The following ANKS1B variants were observed in gnomAD, a reference collection of about 807,000 sequenced individuals.
ANKS1B encodes ankyrin repeat and sterile alpha motif domain-containing protein 1B.
In ANKS1B, 36 loss-of-function variants were observed where a neutral mutation model predicts 148.3. The ratio of observed to expected loss-of-function variants is 0.24; its 90% confidence interval spans 0.19 to 0.32. The LOEUF (loss-of-function observed/expected upper bound fraction) is 0.32. ANKS1B is among the 10% of genes least tolerant of loss of function. The probability of loss-of-function intolerance (pLI) is 1.00; values close to 1 mark genes in which losing one functional copy is unlikely to be tolerated. For missense variants in ANKS1B, 1,157 were observed against 1,542.6 expected, an observed-to-expected ratio of 0.75 and a Z score of 4.19; for synonymous variants, 542 against 560.8, an observed-to-expected ratio of 0.97 and a Z score of 0.47.
At chr12:98,929,065 C>CAT (rs200318692) in intron 17 of ANKS1B, among the ~76,000 whole-genome samples, 21,192 of 147,732 alleles carry the variant, frequency 0.14, 5,841 homozygotes, top group South Asian at 0.33. Flanking sequence ...CACACACACA[C>CAT]ACACACAAGT....
chr12:99,110,379 A>T (rs1398034736), intron 15 of ANKS1B, among the ~76,000 whole-genome samples: 1 of 152,244 alleles, frequency 6.6e-6, no homozygotes, highest in East Asian at 1.9e-4. Flanking sequence ...ATTCTATCAT[A>T]GAAATACATC....
chr12:99,550,700 CACACTTAGGTCTAAGA>C (rs1169884003), intron 9 of ANKS1B, among the ~76,000 whole-genome samples: 1 of 151,956 alleles, frequency 6.6e-6, no homozygotes, highest in East Asian at 1.9e-4. Context: ...ATTTATTTTG[CACACTTAGGTCTAAGA>C]ACCCTCACTG....
chr12:99,626,708 T>C (rs578082213), intron 9 of ANKS1B, among the ~76,000 whole-genome samples: 8 of 152,180 alleles, frequency 5.3e-5, no homozygotes, highest in African/African-American at 1.9e-4. Context: ...CTGGCATACA[T>C]TGGGGCGAAT....
At chr12:99,674,165 T>C (rs2098551054) in intron 8 of ANKS1B, among the ~76,000 whole-genome samples, 1 of 151,866 alleles carries the variant, frequency 6.6e-6, no homozygotes, top group African/African-American at 2.4e-5. Flanking sequence ...GTCATAATAA[T>C]GTTTGAGAAA....
At chr12:99,200,475 A>G (rs1601626361) in intron 14 of ANKS1B, among the ~76,000 whole-genome samples, 1 of 152,338 alleles carries the variant, frequency 6.6e-6, no homozygotes, top group South Asian at 2.1e-4. Context: ...TCTAAGCAGG[A>G]ATGACAAAAT....
intron 11 of ANKS1B, among the ~76,000 whole-genome samples, chr12:99,416,794 G>C (rs987521616): frequency 2.6e-5 from 4 of 152,118 alleles, no homozygotes; most frequent in African/African-American, 9.7e-5. Flanking sequence ...TATGTACCTT[G>C]TCTTCTCATC....
intron 8 of ANKS1B, among the ~76,000 whole-genome samples, chr12:99,658,214 C>T (rs913486732): frequency 2.0e-5 from 3 of 152,070 alleles, no homozygotes; most frequent in Admixed American, 6.6e-5. Flanking sequence ...TCCAAATACC[C>T]GCCTCACTAG....
At chr12:98,999,712 C>T (rs1450475636) in intron 17 of ANKS1B, among the ~76,000 whole-genome samples, 1 of 152,164 alleles carries the variant, frequency 6.6e-6, no homozygotes, top group African/African-American at 2.4e-5. Context: ...AACTGTTCAG[C>T]AGATGGGATG....
At chr12:99,684,038 G>A (rs999858162) in intron 8 of ANKS1B, among the ~76,000 whole-genome samples, 1 of 151,994 alleles carries the variant, frequency 6.6e-6, no homozygotes, top group Non-Finnish European at 1.5e-5. Flanking sequence ...CATTCCCCCT[G>A]AGACCTGGGA....
At chr12:99,294,122 A>G (rs1378876362) in intron 12 of ANKS1B, among the ~76,000 whole-genome samples, 3 of 152,222 alleles carry the variant, frequency 2.0e-5, no homozygotes, top group Non-Finnish European at 4.4e-5. Flanking sequence ...TATGTAGGTT[A>G]CTAAAAAACT....
At chr12:99,428,658 G>A (rs963103686) in intron 11 of ANKS1B, among the ~76,000 whole-genome samples, 2 of 152,070 alleles carry the variant, frequency 1.3e-5, no homozygotes, top group Non-Finnish European at 2.9e-5. Context: ...ACGTGCATAC[G>A]TATATGTACG....
chr12:99,718,179 C>T (rs1253478355), intron 8 of ANKS1B, among the ~76,000 whole-genome samples: 6 of 152,164 alleles, frequency 3.9e-5, no homozygotes, highest in East Asian at 3.9e-4. Context: ...GGATTACAGG[C>T]GTGAGCCACC....
chr12:99,348,494 A>T lies in ANKS1B; in HGVS notation c.1756+51137T>A, dbSNP rs897998593. On this transcript the variant is annotated intron_variant, in intron 12 of 26. Transcript: ENST00000683438. ...AAGTAAGATAAACTCCAACAGATCT[A>T]AACTGACATATTATAATCAAACCAT... 4.6e-5 allele frequency among the ~76,000 whole-genome samples: 7 copies of T among 151,974 alleles called. 1 individual carries two copies. The highest frequency in any genetic ancestry group is 1.7e-4 in the African/African-American group (7 of 41,542).
intron 10 of ANKS1B, among the ~76,000 whole-genome samples, chr12:99,468,877 T>G (rs551154413): frequency 1.1e-4 from 17 of 152,276 alleles, no homozygotes; most frequent in African/African-American, 4.1e-4. Flanking sequence ...TGGAAGTCAG[T>G]GTGGCGATTC....
At chr12:98,762,276 T>A (rs2153442801) in intron 25 of ANKS1B, among the ~76,000 whole-genome samples, 1 of 152,342 alleles carries the variant, frequency 6.6e-6, no homozygotes, top group South Asian at 2.1e-4. Flanking sequence ...GTGGTCCAGG[T>A]GACCTATTGG....
At chr12:99,201,921 CTTCATTCA>C (rs150033450) in intron 14 of ANKS1B, among the ~76,000 whole-genome samples, 2 of 151,234 alleles carry the variant, frequency 1.3e-5, no homozygotes, top group Admixed American at 6.6e-5. Flanking sequence ...TAATATTTGA[CTTCATTCA>C]TTCATTCATT....
At chr12:98,978,201 T>G (rs1349847852) in intron 17 of ANKS1B, among the ~76,000 whole-genome samples, 1 of 152,194 alleles carries the variant, frequency 6.6e-6, no homozygotes, top group African/African-American at 2.4e-5. Flanking sequence ...ACCTTGCTAC[T>G]TGTTTTCTAT....
chr12:99,679,634 A>G (rs1300484990), intron 8 of ANKS1B, among the ~76,000 whole-genome samples: 1 of 152,040 alleles, frequency 6.6e-6, no homozygotes, highest in East Asian at 1.9e-4. Flanking sequence ...AACTGGAAAT[A>G]TTACCAGTTT....
At chr12:99,765,370 A>T (rs1240644946) in intron 8 of ANKS1B, among the ~76,000 whole-genome samples, 1 of 152,182 alleles carries the variant, frequency 6.6e-6, no homozygotes, top group African/African-American at 2.4e-5. Flanking sequence ...TAGTAGCTAC[A>T]TCTCACTGCT....
Sources: allele counts gnomAD v4.1 joint callset (sites outside exome capture counted in the v4.1 genomes callset), GRCh38; gene constraint gnomAD v4.1.1; transcripts MANE v1.5; gene names NCBI Gene and HGNC (gene_info 2026-07-23, HGNC 2026-07-21).